Variants in VIPAS39 observed in about 807,000 individuals in gnomAD.
The protein encoded by VIPAS39 is spermatogenesis-defective protein 39 homolog.
Under a neutral mutation model 84.7 loss-of-function variants are expected in VIPAS39, and 63 were observed. That is an observed-to-expected ratio of 0.74 (90% CI 0.61 to 0.92). VIPAS39 has a LOEUF of 0.92. VIPAS39 is among the 40% of genes least tolerant of loss of function. The pLI, the probability that VIPAS39 is intolerant of heterozygous loss-of-function variation, is 0.00. For missense variants in VIPAS39, 499 were observed against 604.5 expected, an observed-to-expected ratio of 0.83 and a Z score of 1.83; for synonymous variants, 192 against 216.5, an observed-to-expected ratio of 0.89 and a Z score of 0.99.
intron 5 of VIPAS39, 145 bp downstream of exon 5, chr14:77,449,569 G>A: frequency 7.8e-7 from 1 of 1,277,718 alleles, no homozygotes; most frequent in Non-Finnish European, 1.1e-6. Flanking sequence ...TCCTTAGTCA[G>A]TATCAGAAAA....
chr14:77,443,289 G>A, intron 8 of VIPAS39, 137 bp from the exon 9 acceptor site: 1 of 1,011,338 alleles, frequency 9.9e-7, no homozygotes, highest in Non-Finnish European at 1.5e-6. Flanking sequence ...TGCAAGGAAA[G>A]CCAATGGCTA....
intron 10 of VIPAS39, among the ~76,000 whole-genome samples, chr14:77,442,277 T>C (rs1257731717): frequency 6.6e-6 from 1 of 152,200 alleles, no homozygotes; most frequent in Non-Finnish European, 1.5e-5. Context: ...GAAAAACTCA[T>C]GAAGAGGGTT....
At chr14:77,432,707 T>C (rs1474911377) in intron 16 of VIPAS39, among the ~76,000 whole-genome samples, 2 of 152,144 alleles carry the variant, frequency 1.3e-5, no homozygotes, top group African/African-American at 4.8e-5. Context: ...ATGTAGGATC[T>C]AAAAAAGTCA....
rs147548479 is a variant in VIPAS39, at chr14:77,433,891, C to T, written c.1130G>A (p.Arg377His). ...KQYVLTALAARAKLRAWNDVD... is the reference protein window; with the variant it reads ...KQYVLTALAAHAKLRAWNDVD... The stretch of plus-strand genomic sequence containing the variant: ...ATCATTCCAGGCTCGAAGCTTGGCA[C>T]GAGCAGCCAGGGCTGTCAGCACATA... The change falls in exon 16 of 20, where the codon CGT becomes CAT. Residue 377 changes from arginine (R) to histidine (H), a missense_variant. Coordinates refer to ENST00000557658, the MANE Select transcript of VIPAS39 (RefSeq NM_001193315.2). The T allele has an allele frequency of 7.4e-6, 12 of 1,613,932 alleles. No homozygotes were observed. The highest frequency in any genetic ancestry group is 2.2e-5 in the East Asian group (1 of 44,884).
At position 77,434,347 on chromosome 14, in the gene VIPAS39, C is replaced by T. The variant is rs757708480; in HGVS notation, c.1048-44G>A. The T allele has an allele frequency of 3.8e-6, 6 of 1,563,526 alleles. No individual in the cohort carries two copies. In the East Asian group the frequency reaches 1.1e-4, roughly 29 times the overall value. On this transcript the variant is annotated intron_variant, in intron 14 of 19. Transcript: ENST00000557658. ...AGGAACTTTAGTGATATTGACTTTC[C>T]CAAGTACCACCCAAGCTCTCATTTT...
intron 4 of VIPAS39, 120 bp from the exon 5 acceptor site, chr14:77,449,872 A>G (rs773657849): frequency 2.0e-5 from 24 of 1,203,114 alleles, no homozygotes; most frequent in Middle Eastern, 3.8e-4. Flanking sequence ...TAAGGCTTAA[A>G]AAAGGTTTTA....
chr14:77,430,093 G>GT (rs2078497261), intron 16 of VIPAS39, among the ~76,000 whole-genome samples: 1 of 152,144 alleles, frequency 6.6e-6, no homozygotes, highest in Admixed American at 6.5e-5. Flanking sequence ...CCATATCTTT[G>GT]TAAGTACAGA....
At chr14:77,451,125 G>A (rs1351641598) in intron 4 of VIPAS39, 62 bp downstream of exon 4, 1 of 1,607,208 alleles carries the variant, frequency 6.2e-7, no homozygotes, top group Admixed American at 1.7e-5. Flanking sequence ...TGAAAATTAT[G>A]GCCTAAGATT....
chr14:77,428,420 C>T lies in VIPAS39; in HGVS notation c.1411G>A (p.Asp471Asn), dbSNP rs1331363377. 6.2e-7 allele frequency: 1 copy of T among 1,614,006 alleles called. No individual in the cohort carries two copies. Among genetic ancestry groups the T allele is most frequent in the Non-Finnish European group, 8.5e-7 (1 of 1,180,020 alleles). The change falls in exon 19 of 20, where the codon GAT becomes AAT. Residue 471 changes from aspartate (D) to asparagine (N), a missense_variant. Transcript: ENST00000557658. The stretch of plus-strand genomic sequence containing the variant: ...TTCTCCTCCTCTGCTGATCCTTTAT[C>T]TACCTTACTCCTGTATGCTAGCAAC... ...QQLLAYRSKV[D>N]KGSAEEEKID...
intron 3 of VIPAS39, among the ~76,000 whole-genome samples, chr14:77,451,644 G>A (rs1182589089): frequency 6.6e-6 from 1 of 151,806 alleles, no homozygotes; most frequent in Non-Finnish European, 1.5e-5. Context: ...GGAGTACAGT[G>A]GCTATTCACA....
chr14:77,441,376 T>G (rs1473926829), intron 10 of VIPAS39, among the ~76,000 whole-genome samples: 7 of 152,244 alleles, frequency 4.6e-5, no homozygotes, highest in Middle Eastern at 3.4e-3. Flanking sequence ...GTTGTTGTTT[T>G]TTTTTTTCCT....
chr14:77,444,438 T>C, intron 7 of VIPAS39, 97 bp from the exon 8 acceptor site: 1 of 1,113,672 alleles, frequency 9.0e-7, no homozygotes, highest in Non-Finnish European at 1.3e-6. Flanking sequence ...AAACAAAATG[T>C]CCCCAAGGAG....
intron 5 of VIPAS39, 95 bp from the exon 6 acceptor site, chr14:77,449,452 G>A (rs187461214): frequency 2.7e-6 from 4 of 1,493,606 alleles, no homozygotes; most frequent in East Asian, 4.5e-5. Context: ...TTTTTGACTT[G>A]TGGGCTCCCA....
intron 16 of VIPAS39, among the ~76,000 whole-genome samples, chr14:77,431,302 T>C (rs2078518765): frequency 1.3e-5 from 2 of 152,166 alleles, no homozygotes; most frequent in Non-Finnish European, 2.9e-5. Context: ...ATCTAAAACA[T>C]ATAAAGAACT....
At chr14:77,432,008 T>C (rs148643773) in intron 16 of VIPAS39, among the ~76,000 whole-genome samples, 275 of 152,342 alleles carry the variant, frequency 1.8e-3, no homozygotes, top group African/African-American at 6.3e-3. Context: ...TATACATACA[T>C]GCTGGAATAT....
chr14:77,429,458 C>A (rs1566720457), intron 17 of VIPAS39, among the ~76,000 whole-genome samples: 1 of 143,738 alleles, frequency 7.0e-6, no homozygotes, highest in African/African-American at 3.0e-5. Flanking sequence ...TGGGCTAACA[C>A]AGTAGATGCT....
At chr14:77,452,159 CTCTT>C (rs2078892319) in intron 3 of VIPAS39, among the ~76,000 whole-genome samples, 1 of 152,136 alleles carries the variant, frequency 6.6e-6, no homozygotes, top group Non-Finnish European at 1.5e-5. Context: ...AATGAGAACA[CTCTT>C]TATATACTGA....
At chr14:77,445,645 T>C (rs1031172354) in intron 7 of VIPAS39, among the ~76,000 whole-genome samples, 14 of 152,068 alleles carry the variant, frequency 9.2e-5, no homozygotes, top group African/African-American at 3.1e-4. Flanking sequence ...ATAAAAGTTT[T>C]ATATATATTC....
chr14:77,429,535 T>C, intron 17 of VIPAS39, 146 bp downstream of exon 17: 1 of 855,798 alleles, frequency 1.2e-6, no homozygotes, highest in Non-Finnish European at 2.0e-6. Context: ...CTCCCTGGCC[T>C]TTTCTGTCTT....
Sources: gnomAD v4.1 joint callset for allele counts (sites outside exome capture counted in the v4.1 genomes callset) on GRCh38, gnomAD v4.1.1 for gene constraint, MANE v1.5 for transcripts, NCBI Gene and HGNC (gene_info 2026-07-23, HGNC 2026-07-21) for gene names.